The following SLC39A9 variants were observed in gnomAD, a reference collection of about 807,000 sequenced individuals.
The protein encoded by SLC39A9 is solute carrier family 39 member 9.
Under a neutral mutation model 28.4 loss-of-function variants are expected in SLC39A9, and 14 were observed. The observed-to-expected ratio is 0.49, with a 90% CI of 0.33 to 0.77. The LOEUF (loss-of-function observed/expected upper bound fraction) is 0.77, where lower values mean the gene tolerates loss of function less well. Among genes scored for constraint, SLC39A9 ranks in the 30% least tolerant of loss-of-function variants. The pLI is 0.02. For missense variants in SLC39A9, 283 were observed against 381.1 expected (o/e 0.74, Z 2.14); for synonymous variants, 119 against 149.6 (o/e 0.80, Z 1.49).
intron 1 of SLC39A9, among the ~76,000 whole-genome samples, chr14:69,411,988 G>C (rs1365501198): frequency 1.3e-5 from 2 of 151,784 alleles, no homozygotes; most frequent in East Asian, 3.9e-4. Flanking sequence ...TCACCATGCT[G>C]GCTAGGATTA....
intron 1 of SLC39A9, among the ~76,000 whole-genome samples, chr14:69,422,045 G>A (rs1216990388): frequency 6.6e-6 from 1 of 152,110 alleles, no homozygotes; most frequent in South Asian, 2.1e-4. Context: ...AGATGAACCA[G>A]GTACCTCAGT....
intron 1 of SLC39A9, among the ~76,000 whole-genome samples, chr14:69,402,631 T>C (rs764330794): frequency 5.9e-5 from 9 of 152,292 alleles, no homozygotes; most frequent in Non-Finnish European, 8.8e-5. Context: ...TGTGGCCTTC[T>C]TCCTTGCCCT....
At chr14:69,444,968 T>C (rs1438672968) in intron 3 of SLC39A9, among the ~76,000 whole-genome samples, 1 of 151,234 alleles carries the variant, frequency 6.6e-6, no homozygotes, top group Non-Finnish European at 1.5e-5. Flanking sequence ...ACCCTGTCGC[T>C]CTAAAAAAAA....
chr14:69,418,306 G>A (rs1400450017), intron 1 of SLC39A9, among the ~76,000 whole-genome samples: 1 of 151,918 alleles, frequency 6.6e-6, no homozygotes, highest in Non-Finnish European at 1.5e-5. Context: ...TGCATCCCAG[G>A]GATGAAGTCA....
intron 3 of SLC39A9, among the ~76,000 whole-genome samples, chr14:69,443,447 A>G (rs750283786): frequency 1.3e-5 from 2 of 152,230 alleles, no homozygotes; most frequent in Non-Finnish European, 2.9e-5. Flanking sequence ...CTTAATTTAA[A>G]GTAGTGATGA....
At chr14:69,400,190 A>G (rs963617008) in intron 1 of SLC39A9, among the ~76,000 whole-genome samples, 8 of 152,258 alleles carry the variant, frequency 5.3e-5, no homozygotes, top group Non-Finnish European at 8.8e-5. Context: ...GGATGTCTGT[A>G]CTAGAATGAA....
chr14:69,400,141 G>T (rs984046171), intron 1 of SLC39A9, among the ~76,000 whole-genome samples: 1 of 152,204 alleles, frequency 6.6e-6, no homozygotes, highest in African/African-American at 2.4e-5. Flanking sequence ...TTTTGAGAAA[G>T]TCAAACACAC....
At chr14:69,452,145 G>A (rs573480839) in intron 3 of SLC39A9, among the ~76,000 whole-genome samples, 1 of 152,218 alleles carries the variant, frequency 6.6e-6, no homozygotes, top group Non-Finnish European at 1.5e-5. Context: ...CTTGGGGAAA[G>A]GAGAATAAGA....
At chr14:69,436,219 C>T (rs1001219976) in intron 2 of SLC39A9, among the ~76,000 whole-genome samples, 12 of 151,996 alleles carry the variant, frequency 7.9e-5, no homozygotes, top group African/African-American at 2.2e-4. Flanking sequence ...GCCTGGGCAA[C>T]ATAGCAAGAC....
chr14:69,422,075 T>A (rs2140272090), intron 1 of SLC39A9, among the ~76,000 whole-genome samples: 1 of 152,272 alleles, frequency 6.6e-6, no homozygotes, highest in East Asian at 1.9e-4. Flanking sequence ...AGAAATCACC[T>A]GTCTTCTGCG....
chr14:69,410,824 A>ATT (rs149794392), intron 1 of SLC39A9, among the ~76,000 whole-genome samples: 6 of 142,456 alleles, frequency 4.2e-5, no homozygotes, highest in African/African-American at 1.5e-4. Context: ...TGTACCTTTG[A>ATT]TTTTTTTTTT....
At chr14:69,403,179 C>T (rs61982389) in intron 1 of SLC39A9, among the ~76,000 whole-genome samples, 6,065 of 152,206 alleles carry the variant, frequency 0.04, 158 homozygotes, top group East Asian at 0.084. Context: ...GAGTGAGACC[C>T]GTTGGTTTAT....
At chr14:69,429,564 A>G (rs1031525596) in intron 2 of SLC39A9, 5 of 152,166 alleles carry the variant, frequency 3.3e-5, no homozygotes, top group African/African-American at 1.2e-4. Flanking sequence ...TGTCCTTACA[A>G]AAAATTAGCC....
chr14:69,457,447 C>T (rs977663787), intron 6 of SLC39A9, among the ~76,000 whole-genome samples: 4 of 151,850 alleles, frequency 2.6e-5, no homozygotes, highest in African/African-American at 4.8e-5. Flanking sequence ...GTGATCCGCC[C>T]ACCTTGGCCT....
chr14:69,447,913 C>CA (rs34116080), intron 3 of SLC39A9, among the ~76,000 whole-genome samples: 20,031 of 97,030 alleles, frequency 0.21, 1,941 homozygotes, highest in Non-Finnish European at 0.27. Flanking sequence ...GCCCTGTCTC[C>CA]AAAAAAAAAA....
At chr14:69,421,557 A>G (rs1883895107) in intron 1 of SLC39A9, among the ~76,000 whole-genome samples, 1 of 152,242 alleles carries the variant, frequency 6.6e-6, no homozygotes, top group Non-Finnish European at 1.5e-5. Flanking sequence ...GGAACGTTTA[A>G]GACTGCAGAA....
intron 1 of SLC39A9, among the ~76,000 whole-genome samples, chr14:69,414,700 T>C (rs1883474387): frequency 6.6e-6 from 1 of 152,232 alleles, no homozygotes; most frequent in East Asian, 1.9e-4. Context: ...TTTTAGCAAA[T>C]GTTTACAAAT....
chr14:69,438,970 C>G (rs7147362), intron 2 of SLC39A9, among the ~76,000 whole-genome samples: 68,753 of 152,012 alleles, frequency 0.45, 15,728 homozygotes, highest in Middle Eastern at 0.59. Context: ...AAGGCATTCA[C>G]ATTGGAAAGG....
chr14:69,431,483 C>T (rs1290920400), intron 2 of SLC39A9, among the ~76,000 whole-genome samples: 1 of 149,018 alleles, frequency 6.7e-6, no homozygotes, highest in Non-Finnish European at 1.5e-5. Flanking sequence ...AATGAACATT[C>T]TTGCCTTACT....
Sources: allele counts gnomAD v4.1 joint callset (sites outside exome capture counted in the v4.1 genomes callset), GRCh38; gene constraint gnomAD v4.1.1; transcripts MANE v1.5; gene names NCBI Gene and HGNC (gene_info 2026-07-23, HGNC 2026-07-21).